KCNMA1: variants seen among roughly 807,000 people sequenced by gnomAD.
KCNMA1 encodes the protein Calcium-activated potassium channel subunit alpha-1.
A neutral mutation model predicts 140.0 loss-of-function variants in KCNMA1; 29 were observed. That is an observed-to-expected ratio of 0.21 (90% CI 0.15 to 0.28). The LOEUF (loss-of-function observed/expected upper bound fraction) is 0.28, where lower values mean the gene tolerates loss of function less well. Ranked by LOEUF, KCNMA1 falls within the 10% of genes least tolerant of loss-of-function variation. KCNMA1 has a pLI of 1.00. For synonymous variants in KCNMA1, 612 were observed against 611.9 expected (o/e 1.00, Z 0.00); for missense variants, 880 against 1,602.2 (o/e 0.55, Z 7.70).
intron 2 of KCNMA1, among the ~76,000 whole-genome samples, chr10:77,350,012 C>T (rs1393048914): frequency 6.6e-6 from 1 of 152,196 alleles, no homozygotes; most frequent in African/African-American, 2.4e-5. Flanking sequence ...GATTCTCCTG[C>T]TTCAGCCTCC....
intron 1 of KCNMA1, among the ~76,000 whole-genome samples, chr10:77,458,543 G>A (rs2097796621): frequency 1.3e-5 from 2 of 152,230 alleles, no homozygotes; most frequent in African/African-American, 4.8e-5. Flanking sequence ...AGATTTCAGT[G>A]CAAATTTAAT....
intron 3 of KCNMA1, among the ~76,000 whole-genome samples, chr10:77,244,751 G>C (rs1233443607): frequency 6.6e-6 from 1 of 152,182 alleles, no homozygotes; most frequent in African/African-American, 2.4e-5. Flanking sequence ...CTGAGTTAGA[G>C]TTACTCTCAT....
intron 9 of KCNMA1, among the ~76,000 whole-genome samples, chr10:77,099,252 G>A (rs2097026953): frequency 6.6e-6 from 1 of 152,080 alleles, no homozygotes; most frequent in South Asian, 2.1e-4. Context: ...AACACCCCTG[G>A]TGAATCATGT....
At chr10:77,207,131 AT>A (rs911667582) in intron 3 of KCNMA1, among the ~76,000 whole-genome samples, 17 of 151,534 alleles carry the variant, frequency 1.1e-4, no homozygotes, top group African/African-American at 2.2e-4. Flanking sequence ...TTTCTTGTCA[AT>A]TTTTTTTTCT....
intron 3 of KCNMA1, among the ~76,000 whole-genome samples, chr10:77,228,300 A>T (rs1306391419): frequency 1.3e-4 from 20 of 152,180 alleles, no homozygotes; most frequent in Admixed American, 1.3e-3. Context: ...TCTCAGCCAG[A>T]GATGAATTAG....
chr10:76,995,704 G>A (rs114434490), intron 19 of KCNMA1: 2 of 470,246 alleles, frequency 4.3e-6, no homozygotes, highest in African/African-American at 2.0e-5. Flanking sequence ...CCTGAGAACC[G>A]GCCACTGTCC....
chr10:76,893,257 A>T (rs1246183215), intron 25 of KCNMA1, among the ~76,000 whole-genome samples: 2 of 152,218 alleles, frequency 1.3e-5, no homozygotes, highest in Non-Finnish European at 2.9e-5. Flanking sequence ...CTTGGTGCAC[A>T]GGAAGCACTG....
At chr10:77,261,911 T>C (rs1288386498) in intron 2 of KCNMA1, among the ~76,000 whole-genome samples, 1 of 152,180 alleles carries the variant, frequency 6.6e-6, no homozygotes. Context: ...CTTAAGTGCA[T>C]GTGGGTTTGG....
chr10:76,928,824 G>A (rs983005171), intron 23 of KCNMA1, among the ~76,000 whole-genome samples: 1 of 152,112 alleles, frequency 6.6e-6, no homozygotes, highest in Admixed American at 6.5e-5. Flanking sequence ...CAACTCCAGA[G>A]GAGTTTGCGC....
At chr10:77,103,947 TAGG>T (rs908215642) in intron 9 of KCNMA1, among the ~76,000 whole-genome samples, 4 of 152,040 alleles carry the variant, frequency 2.6e-5, no homozygotes, top group African/African-American at 9.7e-5. Context: ...ATACAAACAA[TAGG>T]AGATCACTGA....
intron 1 of KCNMA1, among the ~76,000 whole-genome samples, chr10:77,509,024 C>T (rs1157547636): frequency 6.6e-6 from 1 of 152,176 alleles, no homozygotes; most frequent in African/African-American, 2.4e-5. Flanking sequence ...CACTGTATGT[C>T]TATGCCACAT....
chr10:77,327,912 C>G (rs1034827072), intron 2 of KCNMA1, among the ~76,000 whole-genome samples: 1 of 152,130 alleles, frequency 6.6e-6, no homozygotes, highest in South Asian at 2.1e-4. Context: ...GTCAACACAA[C>G]CCCAGGAAAT....
chr10:77,014,141 T>C (rs1049426547), intron 17 of KCNMA1, among the ~76,000 whole-genome samples: 2 of 152,176 alleles, frequency 1.3e-5, no homozygotes, highest in Non-Finnish European at 1.5e-5. Context: ...TAAAATCTAC[T>C]GTCTTGGCTG....
chr10:77,056,862 TGC>T (rs2153653375), intron 14 of KCNMA1, among the ~76,000 whole-genome samples: 1 of 152,258 alleles, frequency 6.6e-6, no homozygotes, highest in East Asian at 1.9e-4. Flanking sequence ...ATATAAATTG[TGC>T]AATTTGAACA....
At chr10:77,635,403 G>A (rs2093639027) in intron 1 of KCNMA1, 1 of 152,190 alleles carries the variant, frequency 6.6e-6, no homozygotes, top group Non-Finnish European at 1.5e-5. Context: ...AAGAAAGCAA[G>A]CTGTTAAAAA....
intron 2 of KCNMA1, among the ~76,000 whole-genome samples, chr10:77,371,199 C>T (rs937783481): frequency 1.1e-4 from 16 of 152,166 alleles, no homozygotes; most frequent in Admixed American, 2.6e-4. Flanking sequence ...TCTATTTGTC[C>T]TGGGTTTGTG....
intron 18 of KCNMA1, among the ~76,000 whole-genome samples, chr10:77,010,924 G>A (rs567901007): frequency 2.6e-5 from 4 of 152,102 alleles, no homozygotes; most frequent in Admixed American, 2.0e-4. Context: ...AGCACCCAGA[G>A]AATCAATAGA....
At chr10:77,437,634 A>T (rs2097292772) in intron 1 of KCNMA1, among the ~76,000 whole-genome samples, 1 of 152,192 alleles carries the variant, frequency 6.6e-6, no homozygotes, top group African/African-American at 2.4e-5. Flanking sequence ...GCCCCCTGAG[A>T]GCCACAACCA....
intron 5 of KCNMA1, among the ~76,000 whole-genome samples, chr10:77,136,259 A>C (rs2098023661): frequency 6.6e-6 from 1 of 152,220 alleles, no homozygotes. Context: ...TAAAATCCAA[A>C]AATAGGTCTT....
Sources: gnomAD v4.1 joint callset for allele counts (sites outside exome capture counted in the v4.1 genomes callset) on GRCh38, gnomAD v4.1.1 for gene constraint, MANE v1.5 for transcripts, NCBI Gene and HGNC (gene_info 2026-07-23, HGNC 2026-07-21) for gene names.